The following BMPR1A variants were observed in gnomAD, a reference collection of about 807,000 sequenced individuals.
The protein encoded by BMPR1A is bone morphogenetic protein receptor type-1A.
BMPR1A carries 7 observed loss-of-function variants against 66.0 expected under a neutral mutation model. The ratio of observed to expected loss-of-function variants is 0.11; its 90% CI spans 0.06 to 0.20. BMPR1A has a LOEUF of 0.20. Among genes scored for constraint, BMPR1A ranks in the 10% least tolerant of loss-of-function variants. BMPR1A has a pLI of 1.00. For synonymous variants in BMPR1A, 200 were observed against 229.7 expected (o/e 0.87, Z 1.17); for missense variants, 408 against 669.1 (o/e 0.61, Z 4.31).
intron 1 of BMPR1A, among the ~76,000 whole-genome samples, chr10:86,811,557 A>G (rs1283171266): frequency 6.6e-6 from 1 of 152,102 alleles, no homozygotes; most frequent in African/African-American, 2.4e-5. Flanking sequence ...GGTACAGTTC[A>G]GCTTCTCTCT....
At chr10:86,796,893 T>G (rs1316408694) in intron 1 of BMPR1A, among the ~76,000 whole-genome samples, 1 of 152,080 alleles carries the variant, frequency 6.6e-6, no homozygotes, top group Non-Finnish European at 1.5e-5. Flanking sequence ...GTTGGTGTTG[T>G]TCTGTTTTGT....
intron 1 of BMPR1A, among the ~76,000 whole-genome samples, chr10:86,826,459 A>G (rs1842197537): frequency 6.9e-6 from 1 of 145,020 alleles, no homozygotes; most frequent in Non-Finnish European, 1.5e-5. Context: ...TGGCTGTCAT[A>G]TTTCTTTAGT....
At chr10:86,779,603 C>CTTTA (rs535234322) in intron 1 of BMPR1A, among the ~76,000 whole-genome samples, 3 of 151,960 alleles carry the variant, frequency 2.0e-5, no homozygotes, top group African/African-American at 7.2e-5. Context: ...TGCTGTTGAG[C>CTTTA]TTTATTTATT....
At chr10:86,844,571 A>G (rs1564701333) in intron 2 of BMPR1A, among the ~76,000 whole-genome samples, 1 of 152,218 alleles carries the variant, frequency 6.6e-6, no homozygotes, top group Non-Finnish European at 1.5e-5. Context: ...ATTTATTAAA[A>G]TTCTTATCAA....
rs745920240 is a variant in BMPR1A at position 86,876,071 on chromosome 10, T to C, written c.53T>C (p.Ile18Thr). Residue 18 changes from isoleucine (I) to threonine (T), a missense_variant, in exon 3 of 13, where the codon ATT (isoleucine) becomes ACT (threonine). Physicochemically the swap from Ile to Thr is moderately conservative, Grantham distance 89. Transcript: ENST00000372037. ...TTATTGGGAGCCTATTTGTTCATCA[T>C]TTCTCGTGTTCAAGGTAAATCAGTG... Reference protein sequence around the residue: ...IRLLGAYLFIISRVQGQNLDS... With the variant: ...IRLLGAYLFITSRVQGQNLDS... 7 of 1,611,034 alleles carry C rather than the reference T, an allele frequency of 4.3e-6. No individual in the cohort carries two copies. In the South Asian group the frequency reaches 7.7e-5, roughly 18 times the overall value.
At chr10:86,784,525 A>G (rs941655228) in intron 1 of BMPR1A, among the ~76,000 whole-genome samples, 4 of 152,196 alleles carry the variant, frequency 2.6e-5, no homozygotes, top group African/African-American at 7.2e-5. Flanking sequence ...TATGTGCATC[A>G]AAGTTTAGAA....
chr10:86,765,370 G>GGT (rs1841145454), intron 1 of BMPR1A, among the ~76,000 whole-genome samples: 1 of 151,284 alleles, frequency 6.6e-6, no homozygotes, highest in Admixed American at 6.6e-5. Context: ...TGTAATCCCA[G>GGT]GTACTCAGGA....
intron 1 of BMPR1A, among the ~76,000 whole-genome samples, chr10:86,786,519 A>C (rs1455325023): frequency 1.3e-5 from 2 of 152,182 alleles, no homozygotes; most frequent in African/African-American, 4.8e-5. Flanking sequence ...TCGTTGAAAC[A>C]CTTTGTTCAC....
chr10:86,846,851 C>T (rs1016994581), intron 2 of BMPR1A, among the ~76,000 whole-genome samples: 2 of 152,182 alleles, frequency 1.3e-5, no homozygotes, highest in African/African-American at 4.8e-5. Flanking sequence ...GCTGTTTAGT[C>T]CCACTCTCTT....
intron 11 of BMPR1A, among the ~76,000 whole-genome samples, 167 bp downstream of exon 11, chr10:86,921,862 C>T (rs1843670112): frequency 6.6e-6 from 1 of 152,222 alleles, no homozygotes; most frequent in African/African-American, 2.4e-5. Context: ...GTAATAATCA[C>T]ATCTTGGAGA....
At chr10:86,768,752 A>G in intron 1 of BMPR1A, among the ~76,000 whole-genome samples, 1 of 152,194 alleles carries the variant, frequency 6.6e-6, no homozygotes, top group East Asian at 1.9e-4. Context: ...CGGTGTGTTT[A>G]TTGCTTTCTG....
At chr10:86,894,309 A>C (rs1229838910) in intron 5 of BMPR1A, among the ~76,000 whole-genome samples, 1 of 152,248 alleles carries the variant, frequency 6.6e-6, no homozygotes, top group Non-Finnish European at 1.5e-5. Context: ...TCTTCACACA[A>C]ATAAGTAGAT....
At chr10:86,898,434 G>T (rs985233231) in intron 5 of BMPR1A, among the ~76,000 whole-genome samples, 1 of 151,742 alleles carries the variant, frequency 6.6e-6, no homozygotes, top group South Asian at 2.1e-4. Flanking sequence ...ATTCACCTAG[G>T]TTAGAATATA....
intron 1 of BMPR1A, among the ~76,000 whole-genome samples, chr10:86,814,451 T>C (rs928305867): frequency 6.6e-6 from 1 of 152,188 alleles, no homozygotes; most frequent in Non-Finnish European, 1.5e-5. Flanking sequence ...TTTTGGTTTT[T>C]AGAATTATCT....
intron 1 of BMPR1A, among the ~76,000 whole-genome samples, chr10:86,834,699 T>G (rs1124482): frequency 0.44 from 66,147 of 151,924 alleles, 15,213 homozygotes; most frequent in East Asian, 0.67. Flanking sequence ...TGGTATACTA[T>G]CCTAAAGTAA....
intron 1 of BMPR1A, among the ~76,000 whole-genome samples, chr10:86,766,675 G>T (rs896233525): frequency 6.7e-6 from 1 of 150,340 alleles, no homozygotes. Context: ...GAGTGCAGTG[G>T]CGCTATCTCT....
intron 1 of BMPR1A, among the ~76,000 whole-genome samples, chr10:86,772,944 G>A (rs578159811): frequency 3.9e-5 from 6 of 152,182 alleles, no homozygotes; most frequent in East Asian, 1.9e-4. Context: ...TATATATACT[G>A]TAAGTTTAAA....
At chr10:86,841,293 T>C (rs1842421218) in intron 2 of BMPR1A, among the ~76,000 whole-genome samples, 1 of 152,232 alleles carries the variant, frequency 6.6e-6, no homozygotes, top group African/African-American at 2.4e-5. Context: ...AGTGCTATAT[T>C]ATAATTGAAA....
chr10:86,900,661 G>A (rs1253200400), intron 7 of BMPR1A, among the ~76,000 whole-genome samples: 1 of 152,078 alleles, frequency 6.6e-6, no homozygotes, highest in Non-Finnish European at 1.5e-5. Flanking sequence ...ATATAATAAA[G>A]GAAACACTTC....
Sources: gnomAD v4.1 joint callset for allele counts (sites outside exome capture counted in the v4.1 genomes callset) on GRCh38, gnomAD v4.1.1 for gene constraint, MANE v1.5 for transcripts, NCBI Gene and HGNC (gene_info 2026-07-23, HGNC 2026-07-21) for gene names.